Variants in ANKRD33B observed in about 807,000 individuals in gnomAD.
ANKRD33B encodes the protein ankyrin repeat domain-containing protein 33B.
In ANKRD33B, 6 loss-of-function variants were observed where a neutral mutation model predicts 21.5. The ratio of observed to expected loss-of-function variants is 0.28; its 90% CI spans 0.15 to 0.55. The LOEUF (loss-of-function observed/expected upper bound fraction) is 0.55. Ranked by LOEUF, ANKRD33B falls within the 20% of genes least tolerant of loss-of-function variation. ANKRD33B has a pLI of 0.94. For synonymous variants in ANKRD33B, 347 were observed against 342.4 expected (o/e 1.01, Z -0.15); for missense variants, 698 against 747.2 (o/e 0.93, Z 0.77).
At chr5:10,612,542 C>G (rs548756082) in intron 1 of ANKRD33B, among the ~76,000 whole-genome samples, 2 of 152,350 alleles carry the variant, frequency 1.3e-5, no homozygotes, top group African/African-American at 2.4e-5. Flanking sequence ...TGGTAAGGCT[C>G]TGTCACCAGA....
chr5:10,649,382 C>A lies in ANKRD33B; in HGVS notation c.754C>A (p.Pro252Thr). 1 of 1,535,478 alleles carries A rather than the reference C, an allele frequency of 6.5e-7. No homozygotes were observed. The highest frequency in any genetic ancestry group is 8.7e-7 in the Non-Finnish European group (1 of 1,146,702). ...LMQRLLERPC[P>T]EQFWEKYRPE... is the part of the protein sequence containing the mutation. ...GCAGAGGCTGCTGGAGCGCCCCTGCCCGGAGCAGTTCTGGGAGAAGTACCG... is the reference window on the plus strand; with the variant it reads ...GCAGAGGCTGCTGGAGCGCCCCTGCACGGAGCAGTTCTGGGAGAAGTACCG... Residue 252 changes from proline (P) to threonine (T), a missense_variant, in exon 4 of 4, where the codon CCG (proline) becomes ACG (threonine). By Grantham distance (38) the Pro-to-Thr change is conservative. This residue lies in a region of ANKRD33B where 543 missense variants were observed against 566.5 expected (regional missense o/e 0.96). Transcript: ENST00000296657.
intron 1 of ANKRD33B, among the ~76,000 whole-genome samples, chr5:10,569,545 G>A (rs1361856998): frequency 6.6e-6 from 1 of 152,096 alleles, no homozygotes; most frequent in African/African-American, 2.4e-5. Flanking sequence ...GCAGTGAGTT[G>A]AGATTGCACC....
intron 1 of ANKRD33B, among the ~76,000 whole-genome samples, chr5:10,582,119 G>A (rs374357723): frequency 2.0e-5 from 3 of 152,260 alleles, no homozygotes; most frequent in East Asian, 1.9e-4. Flanking sequence ...CCTTCTTAAC[G>A]TATTCCTTTT....
At chr5:10,595,134 G>C (rs1401713823) in intron 1 of ANKRD33B, among the ~76,000 whole-genome samples, 1 of 152,158 alleles carries the variant, frequency 6.6e-6, no homozygotes, top group African/African-American at 2.4e-5. Flanking sequence ...TCACGCCAGA[G>C]GGAGGTGCTG....
chr5:10,578,686 T>G (rs1044956178), intron 1 of ANKRD33B, among the ~76,000 whole-genome samples: 6 of 152,228 alleles, frequency 3.9e-5, no homozygotes, highest in Admixed American at 3.9e-4. Context: ...ACGGTCAATT[T>G]CTTTTTAATA....
At chr5:10,623,303 C>T (rs888218731) in intron 2 of ANKRD33B, among the ~76,000 whole-genome samples, 6 of 152,164 alleles carry the variant, frequency 3.9e-5, no homozygotes, top group African/African-American at 1.4e-4. Flanking sequence ...AGGTGTAATA[C>T]CCCATCCTCC....
In ANKRD33B at chr5:10,596,318, T is replaced by C. The variant is rs74462991; in HGVS notation, c.367-22015T>C. 6.1e-3 allele frequency among the ~76,000 whole-genome samples: 923 copies of C among 152,318 alleles called. 7 individuals are homozygous for C. The highest frequency in any genetic ancestry group is 0.021 in the African/African-American group (876 of 41,568). On this transcript the variant is annotated intron_variant, in intron 1 of 3. Transcript: ENST00000296657. ...TTAGCTATTCTTCCTGATGCTCTCC[T>C]GCCTCACACCCCCTGATAAGCCCCT... is the stretch of plus-strand genomic sequence containing the variant.
In ANKRD33B at chr5:10,576,541, T is replaced by TA. The variant is rs1004818799; in HGVS notation, c.366+11709dup. On this transcript the variant is annotated intron_variant, in intron 1 of 3. Transcript: ENST00000296657. This position sits in a 1 kb window ranked among gnomAD's most constrained non-coding sequence, Gnocchi z 4.1. Reference sequence around the variant, plus strand: ...CTTTTGATCTTTAGTTTCCTTTAGATACCCATCTAGAAACTGGGAGGCTTA... The same window carrying TA: ...CTTTTGATCTTTAGTTTCCTTTAGATAACCCATCTAGAAACTGGGAGGCTTA... Among the ~76,000 whole-genome samples, 5 of 152,224 alleles carry TA rather than the reference T, an allele frequency of 3.3e-5. No individual in the cohort carries two copies. The highest frequency in any genetic ancestry group is 7.3e-5 in the Non-Finnish European group (5 of 68,040).
In ANKRD33B at chr5:10,655,968, C is replaced by T. The variant is rs1737479103; in HGVS notation, c.*5855C>T. The T allele has an allele frequency of 6.6e-6, 1 of 152,334 alleles. No individual in the cohort carries two copies. 9.4% of individuals were successfully genotyped at this position (152,334 alleles called of 1,614,324 possible). A position where few individuals can be genotyped will look rare whatever the true frequency, so the allele number is the denominator to read the frequency against. ...AGATCTTTCTAAAACAATAAAGTCC[C>T]ATTGATGACAACTGCAGTGGGATGA... On this transcript the variant is annotated 3_prime_UTR_variant, in exon 4 of 4. Coordinates refer to ENST00000296657, the MANE Select transcript of ANKRD33B (RefSeq NM_001164440.2).
rs1204639174 is a variant in ANKRD33B, at chr5:10,651,812, T to C, written c.*1699T>C. On this transcript the variant is annotated 3_prime_UTR_variant, in exon 4 of 4. Coordinates refer to ENST00000296657, the MANE Select transcript of ANKRD33B (RefSeq NM_001164440.2). ...AGCAACCAGGGATCTTAAACTGGCCTCTCCAAATACTCCATTGAACAGGAC... is the reference window on the plus strand; with the variant it reads ...AGCAACCAGGGATCTTAAACTGGCCCCTCCAAATACTCCATTGAACAGGAC... 1 of 152,332 alleles carries C rather than the reference T, an allele frequency of 6.6e-6. No homozygotes were observed. Among genetic ancestry groups the C allele is most frequent in the Non-Finnish European group, 1.5e-5 (1 of 68,082 alleles). 9.4% of individuals were successfully genotyped at this position (152,332 alleles called of 1,614,324 possible).
rs772673602 is a variant in ANKRD33B at position 10,564,832 on chromosome 5, G to C, written c.365G>C (p.Arg122Thr). 1 of 1,495,578 alleles carries C rather than the reference G, an allele frequency of 6.7e-7. No homozygotes were observed. The highest frequency in any genetic ancestry group is 8.9e-7 in the Non-Finnish European group (1 of 1,123,082). The allele number at this position is 1,495,578 out of a possible 1,614,324, so 92.6% of individuals were successfully genotyped here. A position where few individuals can be genotyped will look rare whatever the true frequency, so the allele number is the denominator to read the frequency against. Residue 122 changes from arginine to threonine, a missense_variant and splice_region_variant, in exon 1 of 4, where the codon AGG becomes ACG. Around this residue, in one of 3 missense-constraint regions of ANKRD33B, gnomAD observed 543 missense variants for 566.5 expected, o/e 0.96. Coordinates refer to ENST00000296657, the MANE Select transcript of ANKRD33B (RefSeq NM_001164440.2). ...GCGCAGGAGACTGACCGCAACGGCA[G>C]GGTAAGCGGGCGTCCCCGCAGGATT... ...EEAQETDRNG[R>T]TGLIVACYHG...
At chr5:10,568,981 A>T (rs1735116067) in intron 1 of ANKRD33B, among the ~76,000 whole-genome samples, 2 of 152,186 alleles carry the variant, frequency 1.3e-5, no homozygotes, top group African/African-American at 2.4e-5. Flanking sequence ...ATTAAAACTT[A>T]ATTTTCATAG....
At chr5:10,581,454 C>T (rs755664813) in intron 1 of ANKRD33B, among the ~76,000 whole-genome samples, 8 of 152,204 alleles carry the variant, frequency 5.3e-5, no homozygotes, top group Admixed American at 6.5e-5. Context: ...ACCCTGGATC[C>T]GGGAGCCTCT....
intron 1 of ANKRD33B, among the ~76,000 whole-genome samples, chr5:10,604,635 C>T (rs1009135992): frequency 3.9e-5 from 6 of 151,924 alleles, no homozygotes; most frequent in Non-Finnish European, 7.4e-5. Flanking sequence ...TCTAATCTCG[C>T]TGCACCTAAC....
intron 1 of ANKRD33B, among the ~76,000 whole-genome samples, chr5:10,610,078 G>A (rs1000147850): frequency 2.6e-5 from 4 of 152,308 alleles, no homozygotes; most frequent in South Asian, 4.1e-4. Context: ...TCAGGAATGC[G>A]AAGTGAAAAC....
intron 1 of ANKRD33B, among the ~76,000 whole-genome samples, chr5:10,571,163 G>A (rs949404910): frequency 1.4e-4 from 22 of 151,942 alleles, no homozygotes; most frequent in Admixed American, 4.6e-4. Flanking sequence ...GCTCTGCTGC[G>A]TTTGGGTTTC....
At chr5:10,582,090 C>T (rs1279346705) in intron 1 of ANKRD33B, among the ~76,000 whole-genome samples, 1 of 152,170 alleles carries the variant, frequency 6.6e-6, no homozygotes, top group African/African-American at 2.4e-5. Context: ...TTCCTCTTGC[C>T]AGTCTTCCCC....
Position 10,650,216 on chromosome 5 carries a change from G to T in ANKRD33B, c.*103G>T. 8.0e-7 allele frequency: 1 copy of T among 1,244,292 alleles called. No individual in the cohort carries two copies. Among genetic ancestry groups the T allele is most frequent in the Non-Finnish European group, 1.0e-6 (1 of 952,580 alleles). 77.1% of individuals were successfully genotyped at this position (1,244,292 alleles called of 1,614,324 possible). ...CCCCGTTGCGCATCGCACCACTTCC[G>T]CTCCATGGACCACGGGGCTGCGCGC... On this transcript the variant is annotated 3_prime_UTR_variant, in exon 4 of 4. Coordinates refer to ENST00000296657, the MANE Select transcript of ANKRD33B (RefSeq NM_001164440.2).
chr5:10,638,025 C>T lies in ANKRD33B; in HGVS notation c.497-3C>T. 6.5e-7 allele frequency: 1 copy of T among 1,537,382 alleles called. No homozygotes were observed. Among genetic ancestry groups the T allele is most frequent in the Non-Finnish European group, 8.7e-7 (1 of 1,146,828 alleles). On this transcript the variant is annotated splice_region_variant and splice_polypyrimidine_tract_variant and intron_variant, in intron 2 of 3. Transcript: ENST00000296657. ...CAATACACGTGTACACTTCTCTTTA[C>T]AGGGCACGCTATCATCACTAACTAC...
Sources: allele counts gnomAD v4.1 joint callset (sites outside exome capture counted in the v4.1 genomes callset), GRCh38; gene constraint gnomAD v4.1.1; regional missense constraint gnomAD v4.1.1; non-coding constraint Gnocchi (gnomAD v3.1); transcripts MANE v1.5; gene names NCBI Gene and HGNC (gene_info 2026-07-23, HGNC 2026-07-21).